The following PRPS2 variants were observed in gnomAD, a reference collection of about 807,000 sequenced individuals.
PRPS2 encodes phosphoribosyl pyrophosphate synthetase 2.
For missense variants in PRPS2, 104 were observed against 271.5 expected (o/e 0.38, Z 4.34); for synonymous variants, 111 against 115.3 (o/e 0.96, Z 0.24).
At chrX:12,801,381 A>AT (rs1370014731) in intron 2 of PRPS2, among the ~76,000 whole-genome samples, 4 of 111,589 alleles carry the variant, frequency 3.6e-5, no homozygotes, top group Non-Finnish European at 7.5e-5. Flanking sequence ...TTTAAACTTG[A>AT]TTTAAACTGT....
At chrX:12,808,441 A>G (rs1359646857) in intron 2 of PRPS2, among the ~76,000 whole-genome samples, 1 of 111,345 alleles carries the variant, frequency 9.0e-6, no homozygotes, top group Non-Finnish European at 1.9e-5. Context: ...AGGTCTAATC[A>G]TGTGTCTATA....
In PRPS2 at chrX:12,813,729, TG is replaced by T. The variant is rs919676318; in HGVS notation, c.530+3584del. ...GTCTCTATTCAAATCTTTTGCCTAT[TG>T]TTCTCTTGGCTGGGACGTTTCTTGT... is the stretch of plus-strand genomic sequence containing the variant. On this transcript the variant is annotated intron_variant, in intron 4 of 6. Coordinates refer to ENST00000380668, the MANE Select transcript of PRPS2 (RefSeq NM_002765.5). Among the ~76,000 whole-genome samples, 14 of 111,751 alleles carry T rather than the reference TG, an allele frequency of 1.3e-4. No individual in the cohort carries two copies. In the East Asian group the frequency reaches 3.4e-3, roughly 27 times the overall value.
At chrX:12,810,991 G>A (rs948506190) in intron 4 of PRPS2, among the ~76,000 whole-genome samples, 2 of 111,764 alleles carry the variant, frequency 1.8e-5, no homozygotes, top group Admixed American at 1.9e-4. Flanking sequence ...GTCAAACCAC[G>A]AGCCTGTGCC....
intron 5 of PRPS2, 139 bp downstream of exon 5, chrX:12,819,819 CT>C: frequency 1.3e-6 from 1 of 754,744 alleles, no homozygotes; most frequent in Non-Finnish European, 1.8e-6. Context: ...ATTCTAGGCC[CT>C]TTTATCTTTA....
chrX:12,806,063 G>A (rs1463671140), intron 2 of PRPS2, among the ~76,000 whole-genome samples: 1 of 105,484 alleles, frequency 9.5e-6, no homozygotes, highest in Non-Finnish European at 2.0e-5. Flanking sequence ...GGGTGACAGA[G>A]CGGGACTCCG....
intron 1 of PRPS2, among the ~76,000 whole-genome samples, chrX:12,796,292 C>G (rs1316918051): frequency 5.9e-5 from 6 of 102,144 alleles, no homozygotes; most frequent in Non-Finnish European, 1.2e-4. Flanking sequence ...GCGATCCCAG[C>G]TCACTGCAAG....
chrX:12,801,870 A>G (rs1335642281), intron 2 of PRPS2, among the ~76,000 whole-genome samples: 1 of 112,236 alleles, frequency 8.9e-6, no homozygotes, highest in Non-Finnish European at 1.9e-5. Flanking sequence ...TGGCCTCCCA[A>G]AGTGCTGGGA....
At chrX:12,821,379 G>A (rs1485926931) in intron 6 of PRPS2, among the ~76,000 whole-genome samples, 1 of 107,478 alleles carries the variant, frequency 9.3e-6, no homozygotes, top group African/African-American at 3.4e-5. Context: ...TTGTGTTTCC[G>A]CTTCTAGGAG....
chrX:12,800,427 A>G (rs183546559), intron 2 of PRPS2, among the ~76,000 whole-genome samples: 40 of 111,749 alleles, frequency 3.6e-4, no homozygotes, highest in African/African-American at 1.2e-3. Context: ...TACCTTGGTT[A>G]TATTTGCAAA....
At chrX:12,822,206 C>T (rs1286854759) in intron 6 of PRPS2, among the ~76,000 whole-genome samples, 1 of 111,715 alleles carries the variant, frequency 9.0e-6, no homozygotes, top group Non-Finnish European at 1.9e-5. Flanking sequence ...CCCGTGGCTG[C>T]TTTCACGCTA....
chrX:12,813,279 A>T lies in PRPS2; in HGVS notation c.530+3133A>T, dbSNP rs150569056. Among the ~76,000 whole-genome samples, 526 of 112,178 alleles carry T rather than the reference A, an allele frequency of 4.7e-3. 2 individuals carry two copies. The highest frequency in any genetic ancestry group is 0.016 in the African/African-American group (495 of 30,905). On this transcript the variant is annotated intron_variant, in intron 4 of 6. Coordinates refer to ENST00000380668, the MANE Select transcript of PRPS2 (RefSeq NM_002765.5). Reference sequence around the variant, plus strand: ...CATAGTCGTGTTGTGCAGCTGTGCAATATTCCCTTGTGTGCATGTACCACA... The same window carrying T: ...CATAGTCGTGTTGTGCAGCTGTGCATTATTCCCTTGTGTGCATGTACCACA...
chrX:12,815,150 CAGG>C (rs751621890), intron 4 of PRPS2, among the ~76,000 whole-genome samples: 7 of 112,105 alleles, frequency 6.2e-5, no homozygotes, highest in Non-Finnish European at 9.4e-5. Flanking sequence ...TCTAACAACC[CAGG>C]AAGCTGTTTG....
chrX:12,811,323 G>T (rs1217328973), intron 4 of PRPS2, among the ~76,000 whole-genome samples: 1 of 112,285 alleles, frequency 8.9e-6, no homozygotes, highest in Middle Eastern at 4.2e-3. Context: ...GAGGCACCCA[G>T]TGGTGTGAGA....
In PRPS2 at chrX:12,823,454, G is replaced by A. The variant is rs944466634; in HGVS notation, c.*658G>A. Reference sequence around the variant, plus strand: ...TATACATTAGACATATCAGAGCAGTGTATTTCTGGATCATTTTTTAAATGA... The same window carrying A: ...TATACATTAGACATATCAGAGCAGTATATTTCTGGATCATTTTTTAAATGA... On this transcript the variant is annotated 3_prime_UTR_variant, in exon 7 of 7. Coordinates refer to ENST00000380668, the MANE Select transcript of PRPS2 (RefSeq NM_002765.5). 1 of 109,645 alleles carries A rather than the reference G, an allele frequency of 9.1e-6. No individual in the cohort carries two copies. Among genetic ancestry groups the A allele is most frequent in the African/African-American group, 3.3e-5 (1 of 30,089 alleles). 9.0% of individuals were successfully genotyped at this position (109,645 alleles called of 1,213,427 possible).
At chrX:12,812,578 G>T (rs1189179228) in intron 4 of PRPS2, among the ~76,000 whole-genome samples, 1 of 111,897 alleles carries the variant, frequency 8.9e-6, no homozygotes, top group Non-Finnish European at 1.9e-5. Flanking sequence ...AGTGAGCCGA[G>T]ATCACGCCAC....
intron 3 of PRPS2, among the ~76,000 whole-genome samples, 159 bp downstream of exon 3, chrX:12,809,491 C>G (rs961696646): frequency 8.9e-6 from 1 of 112,140 alleles, no homozygotes; most frequent in Non-Finnish European, 1.9e-5. Context: ...CTTCCAGTCT[C>G]TATCACCACC....
intron 4 of PRPS2, among the ~76,000 whole-genome samples, chrX:12,814,065 CCCA>C (rs199717683): frequency 0.095 from 5,077 of 53,340 alleles, 142 homozygotes; most frequent in Middle Eastern, 0.16. Context: ...ATCCAGCCCC[CCCA>C]CCCCCGACTC....
At position 12,810,045 on chromosome X, in the gene PRPS2, T is replaced by C. The variant is rs758416619; in HGVS notation, c.429T>C (p.Asp143=). Residue 143 remains aspartate, a synonymous_variant, in exon 4 of 7, where the codon GAT becomes GAC. Transcript: ENST00000380668. The part of the protein sequence containing the change: ...QIQGFFDIPV[D]NLYAEPAVLQ... ...AGGGATTCTTTGATATTCCTGTGGA[T>C]AATTTGTATGCGGAGCCCGCAGTCC... 13 of 1,208,249 alleles carry C rather than the reference T, an allele frequency of 1.1e-5. No individual in the cohort carries two copies. In the East Asian group the frequency reaches 3.3e-4, roughly 30 times the overall value.
intron 1 of PRPS2, among the ~76,000 whole-genome samples, chrX:12,797,911 A>G (rs2042552104): frequency 8.9e-6 from 1 of 112,658 alleles, no homozygotes; most frequent in Admixed American, 9.4e-5. Flanking sequence ...AAGGATGCCA[A>G]CCAGCAAAAC....
Sources: allele counts gnomAD v4.1 joint callset (sites outside exome capture counted in the v4.1 genomes callset), GRCh38; gene constraint gnomAD v4.1.1; transcripts MANE v1.5; gene names NCBI Gene and HGNC (gene_info 2026-07-23, HGNC 2026-07-21).